Variants in LAMA2 observed in about 807,000 individuals in gnomAD.
LAMA2 encodes laminin subunit alpha 2, also known as laminin subunit alpha-2.
LAMA2 carries 269 observed loss-of-function variants against 364.8 expected under a neutral mutation model. The observed-to-expected ratio is 0.74, with a 90% CI of 0.67 to 0.82. The LOEUF is 0.82. LAMA2 is among the 40% of genes least tolerant of loss of function. The probability of loss-of-function intolerance (pLI) is 0.00; values close to 1 mark genes in which losing one functional copy is unlikely to be tolerated. For missense variants in LAMA2, 3,807 were observed against 3,873.2 expected (o/e 0.98, Z 0.45); for synonymous variants, 1,379 against 1,370.6 (o/e 1.01, Z -0.14).
intron 1 of LAMA2, among the ~76,000 whole-genome samples, chr6:128,949,518 G>A (rs1182194431): frequency 1.3e-5 from 2 of 152,036 alleles, no homozygotes; most frequent in African/African-American, 2.4e-5. Context: ...AAGACAAGAA[G>A]GATAGGGGAA....
intron 7 of LAMA2, among the ~76,000 whole-genome samples, chr6:129,150,684 G>T (rs1014364697): frequency 1.3e-5 from 2 of 152,162 alleles, no homozygotes. Flanking sequence ...GGGAAGAGGG[G>T]AGGTCGTATT....
intron 1 of LAMA2, among the ~76,000 whole-genome samples, chr6:128,888,454 G>T (rs1433108242): frequency 6.6e-6 from 1 of 152,220 alleles, no homozygotes; most frequent in Admixed American, 6.5e-5. Context: ...TGTATAAAAT[G>T]TAGTTGATGA....
At chr6:128,945,517 C>A (rs931687070) in intron 1 of LAMA2, among the ~76,000 whole-genome samples, 3 of 152,198 alleles carry the variant, frequency 2.0e-5, no homozygotes, top group Non-Finnish European at 4.4e-5. Flanking sequence ...TTACCAAGAG[C>A]AGTTATTTCA....
chr6:129,502,769 C>A lies in LAMA2; in HGVS notation c.8355C>A (p.Asn2785Lys), dbSNP rs1210195364. 2.5e-6 allele frequency: 4 copies of A among 1,592,710 alleles called. No homozygotes were observed. In the African/African-American group the frequency reaches 5.4e-5, roughly 21 times the overall value. ...AIAFDDTKVK[N>K]RLTIELEVRT... ...CATTTGATGACACCAAAGTTAAAAACCGGTATGTATCATCCTGAGACACTG... is the reference window on the plus strand; with the variant it reads ...CATTTGATGACACCAAAGTTAAAAAACGGTATGTATCATCCTGAGACACTG... Residue 2785 changes from asparagine to lysine, a missense_variant and splice_region_variant, in exon 59 of 65, where the codon AAC becomes AAA. Asn to Lys is a moderately conservative substitution (Grantham distance 94). This residue lies in a region of LAMA2 where 3,333 missense variants were observed against 3,345.7 expected (regional missense o/e 1.00). Coordinates refer to ENST00000421865, the MANE Select transcript of LAMA2 (RefSeq NM_000426.4).
chr6:129,301,299 C>CA (rs966523899), intron 22 of LAMA2, among the ~76,000 whole-genome samples: 6 of 152,136 alleles, frequency 3.9e-5, no homozygotes, highest in Non-Finnish European at 8.8e-5. Flanking sequence ...ATTTTAACAA[C>CA]ATTTAGCTTG....
intron 21 of LAMA2, 114 bp from the exon 22 acceptor site, chr6:129,300,622 A>T: frequency 3.9e-6 from 4 of 1,033,946 alleles, no homozygotes; most frequent in Non-Finnish European, 6.1e-6. Flanking sequence ...AAATATCCTT[A>T]AGTGTAGAAC....
At chr6:128,967,347 TA>T (rs1371711975) in intron 1 of LAMA2, among the ~76,000 whole-genome samples, 1 of 152,200 alleles carries the variant, frequency 6.6e-6, no homozygotes, top group Non-Finnish European at 1.5e-5. Context: ...TACAAGGCAC[TA>T]AAGAAAGACA....
At chr6:129,280,483 CATTT>C (rs1788646874) in intron 18 of LAMA2, among the ~76,000 whole-genome samples, 2 of 152,052 alleles carry the variant, frequency 1.3e-5, no homozygotes, top group African/African-American at 4.8e-5. Context: ...GTGTAGGCAC[CATTT>C]ATTTTTCATA....
chr6:129,288,191 CAG>C (rs1053755708), intron 19 of LAMA2, 133 bp downstream of exon 19: 6 of 766,740 alleles, frequency 7.8e-6, no homozygotes, highest in African/African-American at 6.8e-5. Context: ...ATAGAATATA[CAG>C]AGTCTGCATA....
intron 4 of LAMA2, among the ~76,000 whole-genome samples, chr6:129,116,540 A>G (rs1463503778): frequency 2.0e-5 from 3 of 152,104 alleles, no homozygotes; most frequent in Non-Finnish European, 4.4e-5. Context: ...TAGAACCAAG[A>G]TGATTTGTGT....
intron 1 of LAMA2, among the ~76,000 whole-genome samples, chr6:129,019,990 C>G (rs931218596): frequency 2.0e-5 from 3 of 150,588 alleles, no homozygotes; most frequent in African/African-American, 7.4e-5. Context: ...GAGGCTGAGG[C>G]AGGAGAATTG....
intron 4 of LAMA2, among the ~76,000 whole-genome samples, chr6:129,143,352 A>T (rs1778241600): frequency 6.6e-6 from 1 of 152,042 alleles, no homozygotes; most frequent in Admixed American, 6.6e-5. Context: ...ACGACAACCT[A>T]AAACAACCTA....
At chr6:128,884,167 G>A (rs909908469) in intron 1 of LAMA2, among the ~76,000 whole-genome samples, 7 of 151,962 alleles carry the variant, frequency 4.6e-5, no homozygotes, top group Non-Finnish European at 1.0e-4. Flanking sequence ...TGTATATATA[G>A]CTCTCATTTC....
chr6:129,511,047 C>T (rs1157772491), intron 62 of LAMA2, among the ~76,000 whole-genome samples: 1 of 152,174 alleles, frequency 6.6e-6, no homozygotes, highest in Middle Eastern at 3.4e-3. Context: ...TGCCATCCTG[C>T]CTGGGCTCTT....
At chr6:129,346,920 G>A (rs1194743079) in intron 30 of LAMA2, among the ~76,000 whole-genome samples, 1 of 152,120 alleles carries the variant, frequency 6.6e-6, no homozygotes, top group East Asian at 1.9e-4. Context: ...TGAATGGTGT[G>A]AGCCATGTGA....
chr6:128,975,631 A>G (rs1430632549), intron 1 of LAMA2, among the ~76,000 whole-genome samples: 1 of 152,174 alleles, frequency 6.6e-6, no homozygotes, highest in East Asian at 1.9e-4. Context: ...AGGCAATTCA[A>G]TCATAGGGGC....
At chr6:128,984,655 ATTTTT>A (rs66667236) in intron 1 of LAMA2, among the ~76,000 whole-genome samples, 1 of 143,448 alleles carries the variant, frequency 7.0e-6, no homozygotes, top group Non-Finnish European at 1.5e-5. Flanking sequence ...AATTTAAATG[ATTTTT>A]TTTTTTTTTT....
At chr6:129,145,412 A>T (rs1397367998) in intron 5 of LAMA2, among the ~76,000 whole-genome samples, 1 of 152,010 alleles carries the variant, frequency 6.6e-6, no homozygotes, top group Non-Finnish European at 1.5e-5. Context: ...AAATTGTCTC[A>T]TGCAAAACTA....
intron 22 of LAMA2, 151 bp from the exon 23 acceptor site, chr6:129,312,710 T>C: frequency 1.5e-6 from 1 of 679,148 alleles, no homozygotes; most frequent in Admixed American, 2.3e-5. Flanking sequence ...TCACTGATGT[T>C]TCCCAAGTGA....
Sources: gnomAD v4.1 joint callset for allele counts (sites outside exome capture counted in the v4.1 genomes callset) on GRCh38, gnomAD v4.1.1 for gene constraint, gnomAD v4.1.1 regional missense constraint, MANE v1.5 for transcripts, NCBI Gene and HGNC (gene_info 2026-07-23, HGNC 2026-07-21) for gene names.